Variants in DENND2A observed in about 807,000 individuals in gnomAD.
DENND2A encodes the protein DENN domain-containing protein 2A.
Under a neutral mutation model 105.3 loss-of-function variants are expected in DENND2A, and 53 were observed. The observed-to-expected ratio is 0.50, with a 90% CI of 0.40 to 0.63. DENND2A has a LOEUF of 0.63. Among genes scored for constraint, DENND2A ranks in the 30% least tolerant of loss-of-function variants. The pLI, the probability that DENND2A is intolerant of heterozygous loss-of-function variation, is 0.00. For missense variants in DENND2A, 1,138 were observed against 1,279.6 expected, an observed-to-expected ratio of 0.89 and a Z score of 1.69; for synonymous variants, 522 against 508.4, an observed-to-expected ratio of 1.03 and a Z score of -0.36.
At position 140,559,074 on chromosome 7, in the gene DENND2A, G is replaced by A. The variant is rs1797508468; in HGVS notation, c.1889+634C>T. 6.6e-6 allele frequency among the ~76,000 whole-genome samples: 1 copy of A among 152,196 alleles called. No homozygotes were observed. The highest frequency in any genetic ancestry group is 2.1e-4 in the South Asian group (1 of 4,828). On this transcript the variant is annotated intron_variant, in intron 10 of 19. Transcript: ENST00000496613. The surrounding 1 kb of genome is among the most constrained non-coding windows in gnomAD (Gnocchi z 4.1). ...CTCAGGGAACTGAGCATGTGTGAGTGCAGTGACATCTGCTCATCTAGGGAT... is the reference window on the plus strand; with the variant it reads ...CTCAGGGAACTGAGCATGTGTGAGTACAGTGACATCTGCTCATCTAGGGAT...
intron 1 of DENND2A, among the ~76,000 whole-genome samples, chr7:140,611,730 A>G (rs1799904642): frequency 6.6e-6 from 1 of 152,222 alleles, no homozygotes. Context: ...CACATATTGT[A>G]TGATTCCATT....
chr7:140,606,017 C>G (rs1799674744), intron 1 of DENND2A, among the ~76,000 whole-genome samples: 1 of 152,220 alleles, frequency 6.6e-6, no homozygotes. Context: ...GAACTCATGC[C>G]AACCTCTTTG....
intron 10 of DENND2A, among the ~76,000 whole-genome samples, chr7:140,558,555 G>T (rs185489149): frequency 6.6e-6 from 1 of 152,250 alleles, no homozygotes; most frequent in East Asian, 1.9e-4. Context: ...AATTAGCCAG[G>T]CATGGTGGCA....
intron 1 of DENND2A, among the ~76,000 whole-genome samples, chr7:140,634,252 C>G (rs561892516): frequency 2.6e-5 from 4 of 152,222 alleles, no homozygotes; most frequent in African/African-American, 9.6e-5. Context: ...CCTGCCTTGG[C>G]CTCCCGAAGT....
intron 18 of DENND2A, among the ~76,000 whole-genome samples, chr7:140,520,439 G>A (rs1204370895): frequency 3.9e-5 from 6 of 152,140 alleles, no homozygotes; most frequent in Non-Finnish European, 1.5e-5. Context: ...CTCTGTGGAG[G>A]TGTGGAGGGA....
chr7:140,587,624 A>G, intron 4 of DENND2A, 29 bp downstream of exon 4: 3 of 1,612,416 alleles, frequency 1.9e-6, no homozygotes, highest in Non-Finnish European at 2.5e-6. Flanking sequence ...ACAGACTCAG[A>G]TCCGCACACA....
chr7:140,627,389 A>C (rs931374284), intron 1 of DENND2A, among the ~76,000 whole-genome samples: 1 of 151,298 alleles, frequency 6.6e-6, no homozygotes, highest in East Asian at 2.0e-4. Flanking sequence ...TTTTTTTTGT[A>C]TTTTTGGTAG....
chr7:140,614,167 A>G (rs7792863), intron 1 of DENND2A, among the ~76,000 whole-genome samples: 67,990 of 152,012 alleles, frequency 0.45, 19,177 homozygotes, highest in African/African-American at 0.81. Flanking sequence ...GCAGTGGCAC[A>G]ATCTTGGCTC....
chr7:140,595,918 C>A (rs528733072), intron 3 of DENND2A, among the ~76,000 whole-genome samples: 2 of 152,286 alleles, frequency 1.3e-5, no homozygotes, highest in Non-Finnish European at 2.9e-5. Context: ...GTGGCCACGG[C>A]AGCTCTTCCC....
chr7:140,617,317 A>G (rs545108394), intron 1 of DENND2A, among the ~76,000 whole-genome samples: 3 of 152,324 alleles, frequency 2.0e-5, no homozygotes, highest in African/African-American at 7.2e-5. Flanking sequence ...ATGGCCTTCA[A>G]TATCAAGGCT....
At chr7:140,594,286 A>C (rs1383526864) in intron 3 of DENND2A, among the ~76,000 whole-genome samples, 2 of 152,170 alleles carry the variant, frequency 1.3e-5, no homozygotes, top group Non-Finnish European at 1.5e-5. Context: ...TAATAGGCCC[A>C]AATCCACACC....
intron 5 of DENND2A, among the ~76,000 whole-genome samples, chr7:140,578,085 A>G (rs1265715364): frequency 2.0e-5 from 3 of 152,162 alleles, no homozygotes; most frequent in African/African-American, 7.2e-5. Flanking sequence ...AATTGTATAG[A>G]TCTCCGACTC....
chr7:140,586,014 G>A (rs553077938), intron 4 of DENND2A, among the ~76,000 whole-genome samples: 1 of 152,126 alleles, frequency 6.6e-6, no homozygotes, highest in Admixed American at 6.5e-5. Flanking sequence ...CTAAGCCTAA[G>A]TGATATCACT....
intron 5 of DENND2A, among the ~76,000 whole-genome samples, chr7:140,582,869 T>A (rs1360076067): frequency 6.6e-6 from 1 of 152,240 alleles, no homozygotes; most frequent in African/African-American, 2.4e-5. Context: ...TGTAGAACTG[T>A]TAGGCCTTCC....
At chr7:140,630,286 T>A (rs540320440) in intron 1 of DENND2A, among the ~76,000 whole-genome samples, 65 of 152,198 alleles carry the variant, frequency 4.3e-4, no homozygotes, top group African/African-American at 1.4e-3. Context: ...AATTTTTGTA[T>A]TTTTCTCAAA....
At chr7:140,613,997 C>T (rs183796870) in intron 1 of DENND2A, among the ~76,000 whole-genome samples, 31 of 152,182 alleles carry the variant, frequency 2.0e-4, no homozygotes, top group Non-Finnish European at 3.5e-4. Flanking sequence ...ACCCTTCTCC[C>T]CTTTTTTCTT....
At chr7:140,585,108 G>A (rs530771631) in intron 5 of DENND2A, among the ~76,000 whole-genome samples, 1 of 152,306 alleles carries the variant, frequency 6.6e-6, no homozygotes, top group East Asian at 1.9e-4. Context: ...TGAGGTGGGA[G>A]GATTGACTGA....
chr7:140,586,160 G>T (rs574498330), intron 4 of DENND2A, among the ~76,000 whole-genome samples: 300 of 152,180 alleles, frequency 2.0e-3, no homozygotes, highest in Non-Finnish European at 3.9e-3. Flanking sequence ...CCAGGAAGCT[G>T]GTGGCAGCCA....
chr7:140,596,666 CA>C (rs2130674497), intron 3 of DENND2A, among the ~76,000 whole-genome samples: 1 of 152,230 alleles, frequency 6.6e-6, no homozygotes, highest in East Asian at 1.9e-4. Flanking sequence ...TATATGATGC[CA>C]AAATAATCAG....
Sources: allele counts gnomAD v4.1 joint callset (sites outside exome capture counted in the v4.1 genomes callset), GRCh38; gene constraint gnomAD v4.1.1; non-coding constraint Gnocchi (gnomAD v3.1); transcripts MANE v1.5; gene names NCBI Gene and HGNC (gene_info 2026-07-23, HGNC 2026-07-21).